RUNDC3B: variants seen among roughly 807,000 people sequenced by gnomAD.
RUNDC3B encodes RUN domain-containing protein 3B.
A neutral mutation model predicts 58.4 loss-of-function variants in RUNDC3B; 33 were observed. That is an observed-to-expected ratio of 0.56 (90% CI 0.43 to 0.75). RUNDC3B has a LOEUF of 0.75. Ranked by LOEUF, RUNDC3B falls within the 30% of genes least tolerant of loss-of-function variation. The pLI, the probability that RUNDC3B is intolerant of heterozygous loss-of-function variation, is 0.00. For synonymous variants in RUNDC3B, 193 were observed against 195.2 expected (o/e 0.99, Z 0.10); for missense variants, 501 against 535.7 (o/e 0.94, Z 0.64).
chr7:87,724,191 C>G (rs758459124), intron 4 of RUNDC3B, among the ~76,000 whole-genome samples: 1 of 152,146 alleles, frequency 6.6e-6, no homozygotes, highest in Non-Finnish European at 1.5e-5. Context: ...CCATTTTACT[C>G]CAGCCTAGGT....
chr7:87,822,324 A>C (rs1022280682), intron 10 of RUNDC3B, among the ~76,000 whole-genome samples: 22 of 152,262 alleles, frequency 1.4e-4, no homozygotes, highest in Admixed American at 5.2e-4. Flanking sequence ...AATGCAAGTC[A>C]AAACCACAAT....
At chr7:87,764,620 T>C (rs575085288) in intron 6 of RUNDC3B, among the ~76,000 whole-genome samples, 1 of 151,892 alleles carries the variant, frequency 6.6e-6, no homozygotes, top group Non-Finnish European at 1.5e-5. Context: ...TGTCCATGTT[T>C]ACCCATGTGA....
rs956500364 is a variant in RUNDC3B, at chr7:87,800,369, C to T, written c.957-7004C>T. The stretch of plus-strand genomic sequence containing the variant: ...GATTTCTAGATCTTTTAGAAGACCT[C>T]GTACCACATTTTCTTTGTTCACTCA... On this transcript the variant is annotated intron_variant, in intron 8 of 10. Transcript: ENST00000394654. Among the ~76,000 whole-genome samples the T allele has an allele frequency of 5.3e-5, 8 of 152,246 alleles. No individual in the cohort carries two copies. The South Asian group carries it at 1.2e-3, about 24-fold the overall frequency.
At chr7:87,709,625 T>A in intron 3 of RUNDC3B, 1 of 486,942 alleles carries the variant, frequency 2.1e-6, no homozygotes, top group Non-Finnish European at 2.7e-6. Context: ...CTTTGTGACC[T>A]TTCCTATCCC....
At chr7:87,728,693 A>T (rs1328888184) in intron 4 of RUNDC3B, among the ~76,000 whole-genome samples, 3 of 152,182 alleles carry the variant, frequency 2.0e-5, no homozygotes, top group Non-Finnish European at 2.9e-5. Flanking sequence ...TATTTAATTT[A>T]ATGCCATTTG....
intron 6 of RUNDC3B, among the ~76,000 whole-genome samples, chr7:87,749,944 T>G (rs551718138): frequency 6.6e-6 from 1 of 152,004 alleles, no homozygotes; most frequent in Non-Finnish European, 1.5e-5. Context: ...TACTTACATA[T>G]GTATACATGT....
Position 87,703,983 on chromosome 7 carries a change from C to T in RUNDC3B, c.372+3429C>T, listed in dbSNP as rs1459766523. On this transcript the variant is annotated intron_variant, in intron 3 of 10. Transcript: ENST00000394654. ...TCGCCCAGGCTGGAGTGCAAAGGTA[C>T]GATCTCAGCTCACTGCAACCTCCAC... Among the ~76,000 whole-genome samples, 3 of 113,304 alleles carry T rather than the reference C, an allele frequency of 2.6e-5. 1 individual carries two copies. The highest frequency in any genetic ancestry group is 5.0e-5 in the Non-Finnish European group (3 of 59,480). The allele number at this position is 113,304 out of a possible 152,430, so 74.3% of individuals were successfully genotyped here.
intron 4 of RUNDC3B, among the ~76,000 whole-genome samples, chr7:87,731,891 T>C (rs1259940619): frequency 3.9e-5 from 6 of 152,078 alleles, no homozygotes; most frequent in Admixed American, 3.3e-4. Flanking sequence ...AAACATCGGG[T>C]TGGAGGTGGA....
intron 10 of RUNDC3B, among the ~76,000 whole-genome samples, chr7:87,825,228 G>T (rs996651438): frequency 3.9e-4 from 59 of 151,758 alleles, no homozygotes; most frequent in African/African-American, 1.4e-3. Flanking sequence ...CAAAAAAAAA[G>T]AAAGAAAAAG....
intron 2 of RUNDC3B, among the ~76,000 whole-genome samples, chr7:87,653,339 C>T (rs1823766242): frequency 6.6e-6 from 1 of 152,052 alleles, no homozygotes; most frequent in South Asian, 2.1e-4. Context: ...TTTGTTGAAG[C>T]CAGGTTGGAG....
At chr7:87,629,699 G>T (rs1361224227) in intron 1 of RUNDC3B, among the ~76,000 whole-genome samples, 2 of 151,872 alleles carry the variant, frequency 1.3e-5, no homozygotes, top group East Asian at 1.9e-4. Flanking sequence ...AGGCTGAGGC[G>T]GGCGGATCAC....
chr7:87,762,987 C>T (rs931707528), intron 6 of RUNDC3B, among the ~76,000 whole-genome samples: 1 of 137,074 alleles, frequency 7.3e-6, no homozygotes, highest in Admixed American at 7.4e-5. Context: ...TCTACTTATC[C>T]TATGACTTTG....
chr7:87,780,318 C>T (rs1443946957), intron 8 of RUNDC3B, among the ~76,000 whole-genome samples: 1 of 151,972 alleles, frequency 6.6e-6, no homozygotes. Flanking sequence ...TAATAGCCAT[C>T]TGACTGGTGT....
chr7:87,671,240 A>C (rs1265243096), intron 2 of RUNDC3B, among the ~76,000 whole-genome samples: 4 of 152,050 alleles, frequency 2.6e-5, no homozygotes, highest in Admixed American at 2.6e-4. Flanking sequence ...AACTGGTTGG[A>C]GGTGTGGACA....
chr7:87,784,936 G>C (rs1584201699), intron 8 of RUNDC3B, among the ~76,000 whole-genome samples: 1 of 152,082 alleles, frequency 6.6e-6, no homozygotes, highest in East Asian at 1.9e-4. Context: ...GATCACCAGA[G>C]ACTCACAACT....
At chr7:87,706,344 G>T (rs1438681031) in intron 3 of RUNDC3B, among the ~76,000 whole-genome samples, 1 of 152,024 alleles carries the variant, frequency 6.6e-6, no homozygotes, top group East Asian at 1.9e-4. Flanking sequence ...AGATCAGCTT[G>T]GTGCTGTAGG....
At chr7:87,788,703 C>CTTTTTTTTTTT (rs5885597) in intron 8 of RUNDC3B, among the ~76,000 whole-genome samples, 12 of 128,276 alleles carry the variant, frequency 9.4e-5, no homozygotes, top group South Asian at 2.6e-4. Context: ...CTTTTCAAAA[C>CTTTTTTTTTTT]TTTTTTTTTT....
At chr7:87,805,460 T>C (rs1302494414) in intron 8 of RUNDC3B, among the ~76,000 whole-genome samples, 7 of 152,322 alleles carry the variant, frequency 4.6e-5, no homozygotes, top group Admixed American at 4.6e-4. Context: ...TGAGATCTTT[T>C]ATCTCCTGTT....
At chr7:87,656,800 C>G (rs990965513) in intron 2 of RUNDC3B, among the ~76,000 whole-genome samples, 1 of 152,126 alleles carries the variant, frequency 6.6e-6, no homozygotes. Flanking sequence ...TTATCCATCA[C>G]TAAGCTACTT....
Sources: gnomAD v4.1 joint callset for allele counts (sites outside exome capture counted in the v4.1 genomes callset) on GRCh38, gnomAD v4.1.1 for gene constraint, MANE v1.5 for transcripts, NCBI Gene and HGNC (gene_info 2026-07-23, HGNC 2026-07-21) for gene names.